Variants in ITPR1 observed in about 807,000 individuals in gnomAD.
The protein encoded by ITPR1 is inositol 1,4,5-trisphosphate-gated calcium channel ITPR1.
ITPR1 carries 96 observed loss-of-function variants against 318.4 expected under a neutral mutation model. The observed-to-expected ratio is 0.30, with a 90% CI of 0.26 to 0.36. ITPR1 has a LOEUF of 0.36. Ranked by LOEUF, ITPR1 falls within the 10% of genes least tolerant of loss-of-function variation. ITPR1 has a pLI of 1.00. For synonymous variants in ITPR1, 1,312 were observed against 1,289.9 expected (o/e 1.02, Z -0.37); for missense variants, 2,440 against 3,460.2 (o/e 0.71, Z 7.40).
chr3:4,496,172 G>A (rs1012158099), intron 2 of ITPR1, among the ~76,000 whole-genome samples: 3 of 152,330 alleles, frequency 2.0e-5, no homozygotes, highest in Middle Eastern at 3.4e-3. Context: ...AAAGGATCAG[G>A]CGTTTCCCCA....
chr3:4,667,694 G>A, intron 18 of ITPR1, 145 bp downstream of exon 18: 1 of 668,066 alleles, frequency 1.5e-6, no homozygotes, highest in Non-Finnish European at 2.4e-6. Flanking sequence ...GATGAGTAGT[G>A]GCAAGAACTT....
intron 37 of ITPR1, 78 bp downstream of exon 37, chr3:4,706,429 C>A: frequency 7.7e-7 from 1 of 1,298,040 alleles, no homozygotes; most frequent in South Asian, 1.5e-5. Context: ...ATCCTTGAGC[C>A]ACAGAGCATC....
intron 44 of ITPR1, among the ~76,000 whole-genome samples, chr3:4,747,510 A>C (rs2044196654): frequency 1.3e-5 from 2 of 152,130 alleles, no homozygotes; most frequent in Admixed American, 1.3e-4. Context: ...TTGTGCCTCC[A>C]CATTTTGTTT....
chr3:4,679,164 G>A (rs1015975699), intron 24 of ITPR1, among the ~76,000 whole-genome samples: 6 of 152,292 alleles, frequency 3.9e-5, no homozygotes, highest in Non-Finnish European at 7.4e-5. Context: ...GGAAGGAGGC[G>A]CTGATGATCA....
chr3:4,665,542 T>C (rs1025288512), intron 17 of ITPR1, among the ~76,000 whole-genome samples: 1 of 152,172 alleles, frequency 6.6e-6, no homozygotes, highest in African/African-American at 2.4e-5. Flanking sequence ...TTGGAGTTGG[T>C]TTTACATTTA....
intron 54 of ITPR1, among the ~76,000 whole-genome samples, chr3:4,804,430 T>C (rs992920952): frequency 3.9e-5 from 6 of 152,164 alleles, no homozygotes; most frequent in African/African-American, 1.4e-4. Context: ...ACATGAGCTG[T>C]CTCTGTTGAG....
chr3:4,616,630 G>A (rs2092400342), intron 4 of ITPR1, among the ~76,000 whole-genome samples: 2 of 152,142 alleles, frequency 1.3e-5, no homozygotes, highest in Non-Finnish European at 2.9e-5. Flanking sequence ...GGTAGCTCGT[G>A]GATTGTCTTT....
chr3:4,733,587 C>CTT (rs2043079177), intron 43 of ITPR1, among the ~76,000 whole-genome samples: 2 of 152,160 alleles, frequency 1.3e-5, no homozygotes, highest in Non-Finnish European at 2.9e-5. Context: ...ATAGTGAAAG[C>CTT]TGCCATTTAT....
At chr3:4,672,687 A>T (rs2094111790) in intron 20 of ITPR1, among the ~76,000 whole-genome samples, 1 of 152,218 alleles carries the variant, frequency 6.6e-6, no homozygotes. Flanking sequence ...ATGATATAAG[A>T]TCTTTAAAAT....
Position 4,701,716 on chromosome 3 carries a change from C to T in ITPR1, c.4537-1114C>T, listed in dbSNP as rs187127338. ...CCTTGCTGGGCCTTTGTTTTTCATG[C>T]GTGACGGGAAGGTAATTCCAAGTCA... On this transcript the variant is annotated intron_variant, in intron 35 of 61. Coordinates refer to ENST00000649015, the MANE Select transcript of ITPR1 (RefSeq NM_001378452.1). Among the ~76,000 whole-genome samples, 8 of 152,170 alleles carry T rather than the reference C, an allele frequency of 5.3e-5. No individual in the cohort carries two copies. The South Asian group carries it at 6.2e-4, about 12-fold the overall frequency.
chr3:4,683,703 A>G lies in ITPR1; in HGVS notation c.3403A>G (p.Ile1135Val). 1 of 1,614,080 alleles carries G rather than the reference A, an allele frequency of 6.2e-7. No individual in the cohort carries two copies. Among genetic ancestry groups the G allele is most frequent in the East Asian group, 2.2e-5 (1 of 44,888 alleles). ...ACAAGACTTGGATCAACTGAGGTCC[A>G]TCGTGGAAAAGTCAGAGCTTTGGGT... is the stretch of plus-strand genomic sequence containing the variant. ...IKQDLDQLRS[I>V]VEKSELWVYK... The change falls in exon 28 of 62, where the codon ATC becomes GTC. Residue 1135 changes from isoleucine to valine, a missense_variant. Around this residue, in one of 23 missense-constraint regions of ITPR1, gnomAD observed 76 missense variants for 132.2 expected, o/e 0.58. Coordinates refer to ENST00000649015, the MANE Select transcript of ITPR1 (RefSeq NM_001378452.1).
intron 4 of ITPR1, among the ~76,000 whole-genome samples, chr3:4,619,291 C>T (rs2092504688): frequency 6.6e-6 from 1 of 152,166 alleles, no homozygotes; most frequent in South Asian, 2.1e-4. Flanking sequence ...CCTGGGGAGT[C>T]ATCTCCAGTT....
At chr3:4,825,850 G>A (rs572749473) in intron 60 of ITPR1, 99 of 455,740 alleles carry the variant, frequency 2.2e-4, no homozygotes, top group South Asian at 6.1e-4. Flanking sequence ...GGGGCTGGTG[G>A]GAGGAGAGTT....
chr3:4,579,995 A>G (rs7623204), intron 4 of ITPR1, among the ~76,000 whole-genome samples: 27,575 of 152,032 alleles, frequency 0.18, 3,087 homozygotes, highest in African/African-American at 0.32. Flanking sequence ...TGGATCACGA[A>G]GTCAGGAGAT....
In ITPR1 at chr3:4,676,693, C is replaced by A. The variant is rs574402733; in HGVS notation, c.2859C>A (p.Pro953=). 6.2e-7 allele frequency: 1 copy of A among 1,613,508 alleles called. No individual in the cohort carries two copies. Among genetic ancestry groups the A allele is most frequent in the African/African-American group, 1.3e-5 (1 of 74,864 alleles). ...QVVLRGGGFL[P]MTPMAAAPEG... ...TGCTCCGGGGAGGAGGCTTTTTGCC[C>A]ATGACTCCCATGGCTGCTGCCCCTG... The change falls in exon 24 of 62, where the codon CCC becomes CCA. Residue 953 remains proline, a synonymous_variant. Transcript: ENST00000649015.
chr3:4,845,862 G>T (rs2051733164), intron 61 of ITPR1, among the ~76,000 whole-genome samples: 1 of 152,214 alleles, frequency 6.6e-6, no homozygotes, highest in Non-Finnish European at 1.5e-5. Context: ...AAACAAGAAA[G>T]AATCCTGTGC....
chr3:4,808,455 A>G (rs894162974), intron 55 of ITPR1, among the ~76,000 whole-genome samples: 19 of 152,336 alleles, frequency 1.2e-4, no homozygotes, highest in Admixed American at 3.3e-4. Flanking sequence ...TCTCCAACCT[A>G]TCACAGAAAG....
At chr3:4,510,665 A>G (rs1380671384) in intron 2 of ITPR1, among the ~76,000 whole-genome samples, 1 of 152,248 alleles carries the variant, frequency 6.6e-6, no homozygotes, top group African/African-American at 2.4e-5. Context: ...TCTAGAATAC[A>G]GCATGTGCCT....
Position 4,676,642 on chromosome 3 carries a change from C to A in ITPR1, c.2808C>A (p.Gly936=). ...GTAACGTGATGAGATCTATTCATGG[C>A]GTGGGAGAGCTGATGACCCAGGTGG... is the stretch of plus-strand genomic sequence containing the variant. ...KSSNVMRSIH[G]VGELMTQVVL... is the part of the protein sequence containing the mutation. The change falls in exon 24 of 62, where the codon GGC becomes GGA. Residue 936 remains glycine (G), a synonymous_variant. Transcript: ENST00000649015. 6.2e-7 allele frequency: 1 copy of A among 1,613,594 alleles called. No individual in the cohort carries two copies. The highest frequency in any genetic ancestry group is 1.3e-5 in the African/African-American group (1 of 75,008).
Sources: gnomAD v4.1 joint callset for allele counts (sites outside exome capture counted in the v4.1 genomes callset) on GRCh38, gnomAD v4.1.1 for gene constraint, gnomAD v4.1.1 regional missense constraint, MANE v1.5 for transcripts, NCBI Gene and HGNC (gene_info 2026-07-23, HGNC 2026-07-21) for gene names.